Variants in EXOC6 observed in about 807,000 individuals in gnomAD.
EXOC6 encodes the protein exocyst complex component 6.
In EXOC6, 60 loss-of-function variants were observed where a neutral mutation model predicts 112.5. The ratio of observed to expected loss-of-function variants is 0.53; its 90% CI spans 0.43 to 0.66. The LOEUF (loss-of-function observed/expected upper bound fraction) is 0.66, where lower values mean the gene tolerates loss of function less well. Among genes scored for constraint, EXOC6 ranks in the 30% least tolerant of loss-of-function variants. The pLI is 0.00. For synonymous variants in EXOC6, 295 were observed against 308.0 expected (o/e 0.96, Z 0.44); for missense variants, 855 against 957.1 (o/e 0.89, Z 1.41).
chr10:92,863,872 G>A (rs190763315), intron 1 of EXOC6, among the ~76,000 whole-genome samples: 76 of 143,618 alleles, frequency 5.3e-4, no homozygotes, highest in African/African-American at 2.0e-3. Flanking sequence ...TCTATATCGC[G>A]CCACTGCACT....
chr10:92,832,495 C>T (rs959409411), upstream of EXOC6, among the ~76,000 whole-genome samples: 2 of 152,132 alleles, frequency 1.3e-5, no homozygotes, highest in Non-Finnish European at 2.9e-5. Flanking sequence ...CCAGGCCTGT[C>T]ATGAACTTCC....
intron 6 of EXOC6, among the ~76,000 whole-genome samples, chr10:92,911,926 T>TGTGTG (rs1564823483): frequency 4.7e-5 from 6 of 127,140 alleles, no homozygotes; most frequent in African/African-American, 1.5e-4. Flanking sequence ...TCTCTCTCTC[T>TGTGTG]CTCTCTGTGT....
At chr10:92,844,106 G>A (rs1846963787), upstream of EXOC6, among the ~76,000 whole-genome samples, 1 of 148,986 alleles carries the variant, frequency 6.7e-6, no homozygotes, top group Middle Eastern at 3.5e-3. Context: ...AGCCGAGATC[G>A]CGCCACTGCA....
At chr10:92,911,938 CGTGTGTGTGTGT>C (rs72368133) in intron 6 of EXOC6, among the ~76,000 whole-genome samples, 324 of 136,222 alleles carry the variant, frequency 2.4e-3, no homozygotes, top group Middle Eastern at 0.011. Context: ...TCTCTGTGTG[CGTGTGTGTGTGT>C]GTGTGTGTGT....
At chr10:93,055,934 G>C (rs1846517249) in intron 20 of EXOC6, among the ~76,000 whole-genome samples, 1 of 152,172 alleles carries the variant, frequency 6.6e-6, no homozygotes, top group Admixed American at 6.5e-5. Context: ...ATCCCTCTCA[G>C]AGTCAGTGGT....
At chr10:92,866,768 G>A (rs967961593) in intron 1 of EXOC6, among the ~76,000 whole-genome samples, 2 of 151,952 alleles carry the variant, frequency 1.3e-5, no homozygotes, top group African/African-American at 4.8e-5. Context: ...AAATTATCAA[G>A]GTTTGCCAAA....
chr10:92,997,705 A>G (rs1000574906), intron 19 of EXOC6, 90 bp downstream of exon 19: 14 of 1,155,564 alleles, frequency 1.2e-5, no homozygotes, highest in Non-Finnish European at 1.6e-5. Flanking sequence ...TAGTTCAGAA[A>G]GGAGGGAGAA....
intron 8 of EXOC6, among the ~76,000 whole-genome samples, chr10:92,921,450 G>T (rs1175157069): frequency 6.6e-6 from 1 of 151,688 alleles, no homozygotes; most frequent in African/African-American, 2.4e-5. Flanking sequence ...GTTTCACCTT[G>T]TTGGCCAGGC....
chr10:92,896,181 ATTTTTTTTTTTTTTTT>A (rs58783356), intron 4 of EXOC6, among the ~76,000 whole-genome samples: 551 of 10,166 alleles, frequency 0.054, 12 homozygotes, highest in South Asian at 0.099. Context: ...ATATATATAT[ATTTTTTTTTTTTTTTT>A]TTTTTTTTTT....
At chr10:92,867,860 A>C (rs1273416260) in intron 1 of EXOC6, among the ~76,000 whole-genome samples, 1 of 152,176 alleles carries the variant, frequency 6.6e-6, no homozygotes, top group Non-Finnish European at 1.5e-5. Context: ...TTTGGACAAG[A>C]GTCATTTGCA....
At chr10:92,891,240 GGA>G (rs1312043443) in intron 1 of EXOC6, among the ~76,000 whole-genome samples, 2 of 152,086 alleles carry the variant, frequency 1.3e-5, no homozygotes, top group Admixed American at 6.6e-5. Flanking sequence ...ACATCTAATT[GGA>G]GAGATATATG....
At chr10:92,972,076 C>G (rs971861730) in intron 17 of EXOC6, among the ~76,000 whole-genome samples, 1 of 152,184 alleles carries the variant, frequency 6.6e-6, no homozygotes, top group African/African-American at 2.4e-5. Context: ...GGATACAGAT[C>G]TGCTTAAAAG....
chr10:93,058,547 A>G lies in EXOC6; in HGVS notation c.*192A>G, dbSNP rs1846650651. ...TTTAAATAATCGAATACTATTTTAT[A>G]TATGGAAAAAAATGACCATTTTTTC... is the stretch of plus-strand genomic sequence containing the variant. On this transcript the variant is annotated 3_prime_UTR_variant, in exon 22 of 22. Coordinates refer to ENST00000260762, the MANE Select transcript of EXOC6 (RefSeq NM_019053.6). 1 of 413,622 alleles carries G rather than the reference A, an allele frequency of 2.4e-6. No individual in the cohort carries two copies. Among genetic ancestry groups the G allele is most frequent in the African/African-American group, 2.1e-5 (1 of 48,762 alleles). 25.6% of individuals were successfully genotyped at this position (413,622 alleles called of 1,614,324 possible).
intron 1 of EXOC6, among the ~76,000 whole-genome samples, chr10:92,877,329 A>G (rs914399579): frequency 1.3e-5 from 2 of 151,714 alleles, no homozygotes; most frequent in Non-Finnish European, 2.9e-5. Context: ...AGCATTCCTT[A>G]TGAGTCTAAG....
intron 15 of EXOC6, among the ~76,000 whole-genome samples, chr10:92,953,069 G>GTTTTTGCTTTTGTTTTTA (rs1853508885): frequency 6.6e-6 from 1 of 152,006 alleles, no homozygotes; most frequent in Non-Finnish European, 1.5e-5. Flanking sequence ...GTTTGTTTTT[G>GTTTTTGCTTTTGTTTTTA]TTTTTGCTTT....
chr10:92,883,150 C>A (rs938114416), intron 1 of EXOC6, among the ~76,000 whole-genome samples: 50 of 152,288 alleles, frequency 3.3e-4, no homozygotes, highest in African/African-American at 1.2e-3. Context: ...GTTTTCAAAT[C>A]TTGGCTTTAA....
intron 18 of EXOC6, among the ~76,000 whole-genome samples, chr10:92,996,501 C>G (rs973988099): frequency 6.6e-6 from 1 of 151,824 alleles, no homozygotes; most frequent in African/African-American, 2.4e-5. Flanking sequence ...CCTGTAGTCC[C>G]AGCTACTTGG....
chr10:92,878,644 G>T (rs1848795713), intron 1 of EXOC6, among the ~76,000 whole-genome samples: 1 of 152,090 alleles, frequency 6.6e-6, no homozygotes, highest in Admixed American at 6.6e-5. Flanking sequence ...CTTCCTGGGG[G>T]TGCCAAATTA....
At chr10:93,008,102 G>T (rs1182756219) in intron 19 of EXOC6, among the ~76,000 whole-genome samples, 1 of 152,154 alleles carries the variant, frequency 6.6e-6, no homozygotes, top group East Asian at 1.9e-4. Context: ...TTGAACCTGG[G>T]AGGTAGGGGT....
Sources: gnomAD v4.1 joint callset for allele counts (sites outside exome capture counted in the v4.1 genomes callset) on GRCh38, gnomAD v4.1.1 for gene constraint, MANE v1.5 for transcripts, NCBI Gene and HGNC (gene_info 2026-07-23, HGNC 2026-07-21) for gene names.